EDEM1: variants seen among roughly 807,000 people sequenced by gnomAD.
The protein encoded by EDEM1 is ER degradation enhancing alpha-mannosidase like protein 1, also known as ER degradation-enhancing alpha-mannosidase-like protein 1.
In EDEM1, 67 loss-of-function variants were observed where a neutral mutation model predicts 74.4. That is an observed-to-expected ratio of 0.90 (90% CI 0.74 to 1.10). The LOEUF (loss-of-function observed/expected upper bound fraction) is 1.10. Among genes scored for constraint, EDEM1 ranks in the 50% least tolerant of loss-of-function variants. The pLI is 0.00. For missense variants in EDEM1, 926 were observed against 851.6 expected, an observed-to-expected ratio of 1.09 and a Z score of -1.09; for synonymous variants, 382 against 335.9, an observed-to-expected ratio of 1.14 and a Z score of -1.50.
At chr3:5,199,966 G>A (rs1312335277) in intron 3 of EDEM1, among the ~76,000 whole-genome samples, 1 of 146,100 alleles carries the variant, frequency 6.8e-6, no homozygotes, top group Non-Finnish European at 1.5e-5. Flanking sequence ...TTGAAATGGA[G>A]TCTCTGCCAC....
At chr3:5,204,461 C>T (rs965618832) in intron 5 of EDEM1, among the ~76,000 whole-genome samples, 6 of 152,016 alleles carry the variant, frequency 3.9e-5, no homozygotes, top group African/African-American at 1.5e-4. Context: ...GCAACCTCTT[C>T]CTCCCAGGCT....
chr3:5,200,056 C>T (rs2055015905), intron 3 of EDEM1, among the ~76,000 whole-genome samples: 4 of 151,942 alleles, frequency 2.6e-5, no homozygotes, highest in African/African-American at 9.7e-5. Flanking sequence ...ATATCTCAGC[C>T]TCCAGAGTAG....
At chr3:5,194,328 CAAAT>C (rs953474332) in intron 1 of EDEM1, among the ~76,000 whole-genome samples, 70 of 152,266 alleles carry the variant, frequency 4.6e-4, no homozygotes, top group African/African-American at 1.6e-3. Context: ...GGGAATGGGA[CAAAT>C]AAATAAATGA....
At chr3:5,208,292 C>G (rs764172403) in intron 8 of EDEM1, 29 bp downstream of exon 8, 5 of 1,571,850 alleles carry the variant, frequency 3.2e-6, no homozygotes, top group Non-Finnish European at 4.3e-6. Context: ...TTTTTTTTTC[C>G]TTTCACTGCC....
rs143930832 is a variant in EDEM1, at chr3:5,198,804, A to T, written c.583-788A>T. Among the ~76,000 whole-genome samples, 208 of 149,008 alleles carry T rather than the reference A, an allele frequency of 1.4e-3. 1 individual carries two copies. The highest frequency in any genetic ancestry group is 5.0e-3 in the African/African-American group (203 of 40,458). On this transcript the variant is annotated intron_variant, in intron 2 of 11. Coordinates refer to ENST00000256497, the MANE Select transcript of EDEM1 (RefSeq NM_014674.3). ...TGGGGTCCCAGAAATTTATTTTTCT[A>T]TCACAGTATGTCCTTATGATGTCAT...
In EDEM1 at chr3:5,216,986, C is replaced by T. The variant is rs1201109754; in HGVS notation, c.*1068C>T. 1 of 152,658 alleles carries T rather than the reference C, an allele frequency of 6.6e-6. No individual in the cohort carries two copies. Among genetic ancestry groups the T allele is most frequent in the East Asian group, 1.9e-4 (1 of 5,190 alleles). The allele number at this position is 152,658 out of a possible 1,614,324, so 9.5% of individuals were successfully genotyped here. A position where few individuals can be genotyped will look rare whatever the true frequency, so the allele number is the denominator to read the frequency against. On this transcript the variant is annotated 3_prime_UTR_variant, in exon 12 of 12. Coordinates refer to ENST00000256497, the MANE Select transcript of EDEM1 (RefSeq NM_014674.3). ...AAAGAAATGATCACATGACTTTTAGCATCCTTGAGCCATTTCTCTGTGTAA... is the reference window on the plus strand; with the variant it reads ...AAAGAAATGATCACATGACTTTTAGTATCCTTGAGCCATTTCTCTGTGTAA...
Position 5,217,443 on chromosome 3 carries a change from A to C in EDEM1, c.*1525A>C, listed in dbSNP as rs890152181. 2 of 152,632 alleles carry C rather than the reference A, an allele frequency of 1.3e-5. No homozygotes were observed. The highest frequency in any genetic ancestry group is 1.9e-4 in the East Asian group (1 of 5,198). The allele number at this position is 152,632 out of a possible 1,614,324, so 9.5% of individuals were successfully genotyped here. A position where few individuals can be genotyped will look rare whatever the true frequency, so the allele number is the denominator to read the frequency against. ...TCCCACCTCTAAGGATTTCATGTAC[A>C]TCTTTTCAAAGCTAGAAATAAGCAC... On this transcript the variant is annotated 3_prime_UTR_variant, in exon 12 of 12. Transcript: ENST00000256497.
chr3:5,213,153 T>G (rs947404987), intron 10 of EDEM1, among the ~76,000 whole-genome samples, 166 bp from the exon 11 acceptor site: 1 of 152,210 alleles, frequency 6.6e-6, no homozygotes, highest in Non-Finnish European at 1.5e-5. Context: ...CCTTGCAGCC[T>G]GGGTTGGGCA....
chr3:5,214,326 G>A (rs1278133208), intron 11 of EDEM1, among the ~76,000 whole-genome samples: 1 of 152,220 alleles, frequency 6.6e-6, no homozygotes, highest in Non-Finnish European at 1.5e-5. Flanking sequence ...CCACAGATGG[G>A]TTGCCTTGGC....
chr3:5,190,596 T>C (rs2054890006), intron 1 of EDEM1, among the ~76,000 whole-genome samples: 2 of 152,194 alleles, frequency 1.3e-5, no homozygotes. Flanking sequence ...GGTTATGCAT[T>C]GGTTTGGTTA....
At position 5,213,502 on chromosome 3, in the gene EDEM1, G is replaced by A. The variant is rs199592749; in HGVS notation, c.1864G>A (p.Val622Ile). 3.7e-6 allele frequency: 6 copies of A among 1,611,390 alleles called. No homozygotes were observed. Among genetic ancestry groups the A allele is most frequent in the Non-Finnish European group, 4.2e-6 (5 of 1,178,264 alleles). Residue 622 changes from valine (V) to isoleucine (I), a missense_variant, in exon 11 of 12, where the codon GTC becomes ATC. Val to Ile is a conservative substitution (Grantham distance 29). Transcript: ENST00000256497. ...VHRPKPHELK[V>I]INSSSNCNRV... ...CAGGCCGAAACCTCATGAGTTAAAAGTCATCAACTCCAGCTCCAACGTGAG... is the reference window on the plus strand; with the variant it reads ...CAGGCCGAAACCTCATGAGTTAAAAATCATCAACTCCAGCTCCAACGTGAG...
chr3:5,209,863 T>C (rs2055146243), intron 8 of EDEM1, among the ~76,000 whole-genome samples: 1 of 152,208 alleles, frequency 6.6e-6, no homozygotes, highest in Non-Finnish European at 1.5e-5. Flanking sequence ...TTCTCAGATA[T>C]GGTGCTGTCA....
Position 5,207,498 on chromosome 3 carries a change from A to G in EDEM1, c.1338+225A>G, listed in dbSNP as rs542181114. On this transcript the variant is annotated intron_variant, in intron 7 of 11. Coordinates refer to ENST00000256497, the MANE Select transcript of EDEM1 (RefSeq NM_014674.3). ...CGTGCTTGAGAAGTGACTGTGTGTG[A>G]TTTTTGTTTTTGTTTGTTTTTGTTT... 2.6e-5 allele frequency among the ~76,000 whole-genome samples: 4 copies of G among 152,054 alleles called. No homozygotes were observed. In the East Asian group the frequency reaches 5.8e-4, roughly 22 times the overall value.
intron 2 of EDEM1, among the ~76,000 whole-genome samples, chr3:5,198,106 G>A (rs540564235): frequency 3.3e-5 from 5 of 150,976 alleles, no homozygotes; most frequent in Admixed American, 3.3e-4. Flanking sequence ...GTGCAGTGGT[G>A]AGATCTCGGC....
Position 5,187,895 on chromosome 3 carries a change from C to G in EDEM1, c.90C>G (p.Ser30Arg), listed in dbSNP as rs776012912. Residue 30 changes from serine (S) to arginine (R), a missense_variant, in exon 1 of 12, where the codon AGC (serine) becomes AGG (arginine). Physicochemically the swap from Ser to Arg is moderately radical, Grantham distance 110 (BLOSUM62 -1). Coordinates refer to ENST00000256497, the MANE Select transcript of EDEM1 (RefSeq NM_014674.3). Reference protein sequence around the residue: ...VLWLVFGLGPSMGFYQRFPLS... With the variant: ...VLWLVFGLGPRMGFYQRFPLS... ...GGCTCGTCTTCGGGCTGGGGCCCAG[C>G]ATGGGCTTCTACCAGCGCTTTCCGC... The G allele has an allele frequency of 6.3e-7, 1 of 1,597,794 alleles. No homozygotes were observed. The highest frequency in any genetic ancestry group is 2.3e-5 in the East Asian group (1 of 43,616).
Position 5,201,823 on chromosome 3 carries a change from A to G in EDEM1, c.757A>G (p.Ile253Val), listed in dbSNP as rs754722106. ...DSKQPFGDMT[I>V]KDYDNELLYM... Reference sequence around the variant, plus strand: ...CAAGCAGCCCTTTGGTGACATGACAATTAAGGACTATGATAATGAGTTGTT... The same window carrying G: ...CAAGCAGCCCTTTGGTGACATGACAGTTAAGGACTATGATAATGAGTTGTT... The change falls in exon 4 of 12, where the codon ATT becomes GTT. Residue 253 changes from isoleucine to valine, a missense_variant. Coordinates refer to ENST00000256497, the MANE Select transcript of EDEM1 (RefSeq NM_014674.3). The G allele has an allele frequency of 6.8e-6, 11 of 1,614,206 alleles. No individual in the cohort carries two copies. The highest frequency in any genetic ancestry group is 4.4e-5 in the South Asian group (4 of 91,084).
At chr3:5,214,976 G>A (rs901225987) in intron 11 of EDEM1, among the ~76,000 whole-genome samples, 1 of 152,206 alleles carries the variant, frequency 6.6e-6, no homozygotes, top group African/African-American at 2.4e-5. Context: ...ATTCCCTGAG[G>A]AGGTCACTTG....
chr3:5,206,194 T>A (rs2055094657), intron 6 of EDEM1, among the ~76,000 whole-genome samples: 1 of 151,738 alleles, frequency 6.6e-6, no homozygotes, highest in African/African-American at 2.4e-5. Context: ...AGTGTCACTC[T>A]CTTTCCCAGA....
chr3:5,207,074 C>T, intron 6 of EDEM1, 79 bp from the exon 7 acceptor site: 1 of 1,553,016 alleles, frequency 6.4e-7, no homozygotes, highest in Non-Finnish European at 8.7e-7. Context: ...TTAAATGAAA[C>T]TACCAGCAGC....
Sources: gnomAD v4.1 joint callset for allele counts (sites outside exome capture counted in the v4.1 genomes callset) on GRCh38, gnomAD v4.1.1 for gene constraint, MANE v1.5 for transcripts, NCBI Gene and HGNC (gene_info 2026-07-23, HGNC 2026-07-21) for gene names.